Variants in RAPGEF4 observed in about 807,000 individuals in gnomAD.
RAPGEF4 encodes Rap guanine nucleotide exchange factor 4.
In RAPGEF4, 66 loss-of-function variants were observed where a neutral mutation model predicts 147.9. The observed-to-expected ratio is 0.45, with a 90% CI of 0.37 to 0.55. The LOEUF (loss-of-function observed/expected upper bound fraction) is 0.55. RAPGEF4 is among the 20% of genes least tolerant of loss of function. The pLI, the probability that RAPGEF4 is intolerant of heterozygous loss-of-function variation, is 0.00. For synonymous variants in RAPGEF4, 419 were observed against 442.7 expected (o/e 0.95, Z 0.67); for missense variants, 1,071 against 1,257.3 (o/e 0.85, Z 2.24).
intron 3 of RAPGEF4, among the ~76,000 whole-genome samples, chr2:172,813,486 G>A (rs1248340859): frequency 2.0e-5 from 3 of 152,174 alleles, no homozygotes; most frequent in Non-Finnish European, 4.4e-5. Flanking sequence ...TTTTTACTCT[G>A]TTGTGGCTGC....
Position 172,996,492 on chromosome 2 carries a change from A to G in RAPGEF4, c.1517A>G (p.Glu506Gly). 1 of 1,581,738 alleles carries G rather than the reference A, an allele frequency of 6.3e-7. No homozygotes were observed. Among genetic ancestry groups the G allele is most frequent in the Non-Finnish European group, 8.6e-7 (1 of 1,169,212 alleles). The stretch of plus-strand genomic sequence containing the variant: ...TATACTGTGATGTCAGGAACACCTG[A>G]AAAAATTTTAGAGCATTTTCTAGAA... Reference protein sequence around the residue: ...QKYTVMSGTPEKILEHFLETI... With the variant: ...QKYTVMSGTPGKILEHFLETI... The change falls in exon 16 of 31, where the codon GAA (glutamate) becomes GGA (glycine). Residue 506 changes from glutamate to glycine, a missense_variant. Transcript: ENST00000397081.
intron 29 of RAPGEF4, among the ~76,000 whole-genome samples, chr2:173,045,448 G>A (rs1225200208): frequency 1.3e-5 from 2 of 152,344 alleles, no homozygotes; most frequent in Non-Finnish European, 2.9e-5. Context: ...ACTGTCTTAT[G>A]AAGAATTGTT....
In RAPGEF4 at chr2:172,934,789, C is replaced by T. The variant is rs563261783; in HGVS notation, c.537+12489C>T. On this transcript the variant is annotated intron_variant, in intron 6 of 30. Transcript: ENST00000397081. ...AGTATTCACCCCCTACCCCAACATT[C>T]TCCCTCTTCACAAGGCTACAGAATT... is the stretch of plus-strand genomic sequence containing the variant. Among the ~76,000 whole-genome samples, 377 of 152,032 alleles carry T rather than the reference C, an allele frequency of 2.5e-3. 4 individuals are homozygous for T. The highest frequency in any genetic ancestry group is 8.6e-3 in the African/African-American group (357 of 41,478).
chr2:172,910,167 C>T (rs1467839623), intron 4 of RAPGEF4, among the ~76,000 whole-genome samples: 1 of 152,200 alleles, frequency 6.6e-6, no homozygotes, highest in Non-Finnish European at 1.5e-5. Context: ...GTACCATTGG[C>T]TCTCATCTAT....
intron 6 of RAPGEF4, among the ~76,000 whole-genome samples, chr2:172,945,557 G>T (rs1687599152): frequency 6.6e-6 from 1 of 151,682 alleles, no homozygotes; most frequent in South Asian, 2.1e-4. Flanking sequence ...AGATAAATAC[G>T]CTCACATGCA....
At chr2:173,038,524 G>T (rs1684334134) in intron 29 of RAPGEF4, among the ~76,000 whole-genome samples, 1 of 152,166 alleles carries the variant, frequency 6.6e-6, no homozygotes, top group African/African-American at 2.4e-5. Flanking sequence ...ACTCATAAGT[G>T]GGAGTTGAAC....
At chr2:172,775,274 C>A (rs1684054943) in intron 1 of RAPGEF4, among the ~76,000 whole-genome samples, 1 of 152,194 alleles carries the variant, frequency 6.6e-6, no homozygotes, top group Non-Finnish European at 1.5e-5. Flanking sequence ...GTCACAATTC[C>A]TGGCAGTTAT....
At chr2:172,942,726 T>A (rs897330202) in intron 6 of RAPGEF4, among the ~76,000 whole-genome samples, 1 of 152,156 alleles carries the variant, frequency 6.6e-6, no homozygotes, top group Non-Finnish European at 1.5e-5. Context: ...GCTACATTTT[T>A]AAAGAGTAAA....
intron 4 of RAPGEF4, among the ~76,000 whole-genome samples, chr2:172,905,203 T>C (rs1461406895): frequency 6.6e-6 from 1 of 152,168 alleles, no homozygotes; most frequent in Admixed American, 6.5e-5. Flanking sequence ...AGGTTTTCAA[T>C]GCACCCTATA....
At chr2:172,795,614 T>G (rs1157674299) in intron 2 of RAPGEF4, among the ~76,000 whole-genome samples, 1 of 152,226 alleles carries the variant, frequency 6.6e-6, no homozygotes, top group Non-Finnish European at 1.5e-5. Flanking sequence ...ACAGTTGGAT[T>G]TTTTAAAAAG....
At chr2:172,961,313 ATGTGGG>A in intron 8 of RAPGEF4, 85 bp downstream of exon 8, 1 of 1,116,098 alleles carries the variant, frequency 9.0e-7, no homozygotes, top group Non-Finnish European at 1.3e-6. Context: ...CCTGTTTTCC[ATGTGGG>A]CGCAGCCCAT....
chr2:172,954,885 C>T (rs892438856), intron 6 of RAPGEF4, among the ~76,000 whole-genome samples: 3 of 152,118 alleles, frequency 2.0e-5, no homozygotes, highest in Non-Finnish European at 4.4e-5. Flanking sequence ...TTGTTTAACC[C>T]GTAGAAGTTT....
At chr2:172,831,982 A>G (rs891778902) in intron 4 of RAPGEF4, among the ~76,000 whole-genome samples, 1 of 152,178 alleles carries the variant, frequency 6.6e-6, no homozygotes, top group Admixed American at 6.5e-5. Flanking sequence ...AGTTCGTAAA[A>G]TTGGGTTTGG....
intron 11 of RAPGEF4, among the ~76,000 whole-genome samples, chr2:172,985,193 A>T (rs1692114037): frequency 6.6e-6 from 1 of 152,218 alleles, no homozygotes; most frequent in African/African-American, 2.4e-5. Context: ...ACAGTCTCTA[A>T]GGAGGTTGCC....
In RAPGEF4 at chr2:173,034,907, CACAAAT is replaced by C. The variant is rs879834143; in HGVS notation, c.2700+950_2700+955del. On this transcript the variant is annotated intron_variant, in intron 27 of 30. Coordinates refer to ENST00000397081, the MANE Select transcript of RAPGEF4 (RefSeq NM_007023.4). Reference sequence around the variant, plus strand: ...ACACACACACACACACACACACACACACAAATACAAATCAATTTGTTTAACTAAGTC... The same window carrying C: ...ACACACACACACACACACACACACACACAAATCAATTTGTTTAACTAAGTC... Among the ~76,000 whole-genome samples the C allele has an allele frequency of 2.3e-3, 338 of 148,828 alleles. 2 individuals are homozygous for C. Among genetic ancestry groups the C allele is most frequent in the Non-Finnish European group, 4.5e-3 (299 of 67,170 alleles).
intron 25 of RAPGEF4, among the ~76,000 whole-genome samples, chr2:173,029,757 C>A (rs1172719073): frequency 6.6e-6 from 1 of 152,220 alleles, no homozygotes; most frequent in East Asian, 1.9e-4. Context: ...TTAGTGCCCT[C>A]TCAAGCTGCC....
intron 3 of RAPGEF4, among the ~76,000 whole-genome samples, chr2:172,804,611 C>T (rs973443769): frequency 2.0e-5 from 3 of 152,130 alleles, no homozygotes; most frequent in African/African-American, 7.2e-5. Context: ...CCTCTGCTCT[C>T]CTGTGCTTTA....
At chr2:172,822,669 A>G (rs540525769) in intron 4 of RAPGEF4, among the ~76,000 whole-genome samples, 1 of 152,312 alleles carries the variant, frequency 6.6e-6, no homozygotes, top group South Asian at 2.1e-4. Context: ...TTGGGTGTTC[A>G]TTTCGGGAGT....
chr2:172,931,273 T>C (rs1318266507), intron 6 of RAPGEF4, among the ~76,000 whole-genome samples: 2 of 150,144 alleles, frequency 1.3e-5, no homozygotes, highest in African/African-American at 2.5e-5. Context: ...TCAGTTTACA[T>C]GGAGCGTAAT....
Sources: gnomAD v4.1 joint callset for allele counts (sites outside exome capture counted in the v4.1 genomes callset) on GRCh38, gnomAD v4.1.1 for gene constraint, MANE v1.5 for transcripts, NCBI Gene and HGNC (gene_info 2026-07-23, HGNC 2026-07-21) for gene names.